Variants in FAM53B observed in about 807,000 individuals in gnomAD.
FAM53B encodes family with sequence similarity 53 member B, also known as protein FAM53B.
Under a neutral mutation model 32.7 loss-of-function variants are expected in FAM53B, and 12 were observed. The observed-to-expected ratio is 0.37, with a 90% CI of 0.24 to 0.59. The LOEUF (loss-of-function observed/expected upper bound fraction) is 0.59. Ranked by LOEUF, FAM53B falls within the 20% of genes least tolerant of loss-of-function variation. The pLI is 0.72. For missense variants in FAM53B, 477 were observed against 577.7 expected (o/e 0.83, Z 1.79); for synonymous variants, 234 against 228.7 (o/e 1.02, Z -0.21).
At chr10:124,683,529 G>C (rs1470368455) in intron 3 of FAM53B, among the ~76,000 whole-genome samples, 1 of 152,146 alleles carries the variant, frequency 6.6e-6, no homozygotes, top group African/African-American at 2.4e-5. Context: ...CACTCACTGA[G>C]CATTCAGCTG....
chr10:124,734,809 C>T (rs1448401303), intron 1 of FAM53B, among the ~76,000 whole-genome samples: 1 of 152,200 alleles, frequency 6.6e-6, no homozygotes, highest in African/African-American at 2.4e-5. Flanking sequence ...GCCAGCCAGC[C>T]CCAGACTCAT....
chr10:124,734,795 G>A (rs974638631), intron 1 of FAM53B, among the ~76,000 whole-genome samples: 1 of 152,200 alleles, frequency 6.6e-6, no homozygotes, highest in Non-Finnish European at 1.5e-5. Context: ...TCACCCCACA[G>A]GATGCCAGCC....
chr10:124,693,022 G>C lies in FAM53B; in HGVS notation c.133+3136C>G, dbSNP rs543781157. Among the ~76,000 whole-genome samples, 112 of 152,154 alleles carry C rather than the reference G, an allele frequency of 7.4e-4. 1 individual carries two copies. Among genetic ancestry groups the C allele is most frequent in the Non-Finnish European group, 1.1e-3 (75 of 68,024 alleles). On this transcript the variant is annotated intron_variant, in intron 3 of 4. Coordinates refer to ENST00000337318, the MANE Select transcript of FAM53B (RefSeq NM_014661.4). ...GGGAGAATTCCACTGATCAGCACCA[G>C]AACATGAGTCCTTTATCTTCAGGAG...
intron 3 of FAM53B, among the ~76,000 whole-genome samples, chr10:124,692,714 CA>C (rs5788679): frequency 0.35 from 23,265 of 67,196 alleles, 744 homozygotes; most frequent in Middle Eastern, 0.43. Flanking sequence ...TACTCCATCT[CA>C]AAAAAAAAAA....
At chr10:124,679,398 C>CCGTGCACTCGCCAGGGCT (rs1368216836) in intron 4 of FAM53B, among the ~76,000 whole-genome samples, 1 of 152,234 alleles carries the variant, frequency 6.6e-6, no homozygotes, top group African/African-American at 2.4e-5. Context: ...ACGCACAAGG[C>CCGTGCACTCGCCAGGGCT]CGTGCACTCG....
chr10:124,710,590 A>C (rs10901808), intron 1 of FAM53B, among the ~76,000 whole-genome samples: 31,758 of 152,150 alleles, frequency 0.21, 3,746 homozygotes, highest in Non-Finnish European at 0.26. Flanking sequence ...GGGCATGGCC[A>C]AGAAAAAGAC....
At chr10:124,638,038 G>A (rs1177410975) in intron 4 of FAM53B, among the ~76,000 whole-genome samples, 4 of 152,178 alleles carry the variant, frequency 2.6e-5, no homozygotes, top group Admixed American at 6.5e-5. Flanking sequence ...ATGAAGGACT[G>A]AAATGATGAT....
chr10:124,684,575 A>G (rs1469048737), intron 3 of FAM53B, among the ~76,000 whole-genome samples: 1 of 152,230 alleles, frequency 6.6e-6, no homozygotes, highest in Non-Finnish European at 1.5e-5. Context: ...GCTGGAGTAC[A>G]GTGGCATAAT....
intron 4 of FAM53B, among the ~76,000 whole-genome samples, chr10:124,648,959 G>C (rs1475908214): frequency 6.6e-6 from 1 of 152,242 alleles, no homozygotes; most frequent in Non-Finnish European, 1.5e-5. Context: ...TGAAACTGGT[G>C]GGGGATGAGA....
intron 4 of FAM53B, among the ~76,000 whole-genome samples, chr10:124,674,460 GA>G (rs1269391913): frequency 1.3e-5 from 2 of 152,204 alleles, no homozygotes; most frequent in Non-Finnish European, 2.9e-5. Context: ...CGAGGATGGG[GA>G]AAATGAACCA....
intron 4 of FAM53B, chr10:124,667,519 CTG>C: frequency 1.4e-6 from 1 of 711,332 alleles, no homozygotes; most frequent in Non-Finnish European, 2.6e-6. Flanking sequence ...GGCACTCCAC[CTG>C]TGTGGTCAGA....
chr10:124,636,755 C>T (rs760394821), intron 4 of FAM53B, among the ~76,000 whole-genome samples: 1 of 152,048 alleles, frequency 6.6e-6, no homozygotes, highest in Non-Finnish European at 1.5e-5. Context: ...AATGGCCTCT[C>T]ATGTCTGTGA....
intron 4 of FAM53B, among the ~76,000 whole-genome samples, chr10:124,627,517 T>C (rs938033075): frequency 6.6e-6 from 1 of 152,194 alleles, no homozygotes; most frequent in Non-Finnish European, 1.5e-5. Flanking sequence ...TTCTGCTCTC[T>C]TGACATCCAG....
At chr10:124,740,478 C>T (rs1345039699) in intron 1 of FAM53B, among the ~76,000 whole-genome samples, 1 of 152,176 alleles carries the variant, frequency 6.6e-6, no homozygotes, top group Admixed American at 6.5e-5. Flanking sequence ...AAGCAAGTCT[C>T]AGGGTACATC....
chr10:124,656,151 G>C (rs1488907761), intron 4 of FAM53B, among the ~76,000 whole-genome samples: 1 of 152,266 alleles, frequency 6.6e-6, no homozygotes, highest in African/African-American at 2.4e-5. Context: ...AGGAAATGAG[G>C]AGGAGGCCTG....
Position 124,727,169 on chromosome 10 carries a change from C to T in FAM53B, c.-175+16844G>A, listed in dbSNP as rs369484812. ...AGTTGCTGGGACCACAGGTGCATGC[C>T]ATAACACCCGGCTAATTTTTGTATT... On this transcript the variant is annotated intron_variant, in intron 1 of 4. Transcript: ENST00000337318. 3.5e-4 allele frequency among the ~76,000 whole-genome samples: 53 copies of T among 152,194 alleles called. No individual in the cohort carries two copies. The South Asian group carries it at 5.6e-3, about 16-fold the overall frequency.
intron 3 of FAM53B, among the ~76,000 whole-genome samples, chr10:124,692,331 G>A (rs1008530860): frequency 6.6e-6 from 1 of 152,166 alleles, no homozygotes; most frequent in Admixed American, 6.5e-5. Flanking sequence ...TCCTAAACTG[G>A]GGTAGGGGAC....
intron 4 of FAM53B, 38 bp downstream of exon 4, chr10:124,681,569 T>G (rs982179472): frequency 6.6e-7 from 1 of 1,512,700 alleles, no homozygotes; most frequent in Non-Finnish European, 8.9e-7. Context: ...GAGGCTCCAG[T>G]GAGCACCAAG....
intron 4 of FAM53B, among the ~76,000 whole-genome samples, chr10:124,636,058 C>T (rs1949429048): frequency 1.3e-5 from 2 of 152,134 alleles, no homozygotes; most frequent in African/African-American, 2.4e-5. Flanking sequence ...TTTTCGAACA[C>T]GTGAATGTAC....
Sources: allele counts gnomAD v4.1 joint callset (sites outside exome capture counted in the v4.1 genomes callset), GRCh38; gene constraint gnomAD v4.1.1; transcripts MANE v1.5; gene names NCBI Gene and HGNC (gene_info 2026-07-23, HGNC 2026-07-21).